EMC8: variants seen among roughly 807,000 people sequenced by gnomAD.
The protein encoded by EMC8 is ER membrane protein complex subunit 8.
EMC8 carries 11 observed loss-of-function variants against 24.3 expected under a neutral mutation model. That is an observed-to-expected ratio of 0.45 (90% confidence interval 0.28 to 0.75). EMC8 has a LOEUF of 0.75. Ranked by LOEUF, EMC8 falls within the 30% of genes least tolerant of loss-of-function variation. EMC8 has a pLI of 0.12. For synonymous variants in EMC8, 145 were observed against 117.7 expected, an observed-to-expected ratio of 1.23 and a Z score of -1.50; for missense variants, 277 against 282.7, an observed-to-expected ratio of 0.98 and a Z score of 0.14.
chr16:85,787,201 A>G (rs533001187), intron 2 of EMC8, among the ~76,000 whole-genome samples: 2 of 152,196 alleles, frequency 1.3e-5, no homozygotes, highest in African/African-American at 2.4e-5. Context: ...AGCCCTTGCC[A>G]CGTCCTCACC....
Position 85,799,329 on chromosome 16 carries a change from G to A in EMC8, c.-34C>T, listed in dbSNP as rs1350335741. On this transcript the variant is annotated 5_prime_UTR_variant, in exon 1 of 5. Coordinates refer to ENST00000253457, the MANE Select transcript of EMC8 (RefSeq NM_006067.5). The surrounding 1 kb of genome is among the most constrained non-coding windows in gnomAD (Gnocchi z 4.2). ...GGGAGGGCCCCGGAGGCCCCTGGGC[G>A]CGCGGCTGAGGCCTGGACCCGCTGC... 6.8e-7 allele frequency: 1 copy of A among 1,469,812 alleles called. No homozygotes were observed. The highest frequency in any genetic ancestry group is 9.3e-7 in the Non-Finnish European group (1 of 1,080,672). The allele number at this position is 1,469,812 out of a possible 1,614,324, so 91.0% of individuals were successfully genotyped here.
intron 1 of EMC8, among the ~76,000 whole-genome samples, chr16:85,790,227 T>C (rs1196308476): frequency 6.6e-6 from 1 of 152,142 alleles, no homozygotes; most frequent in Non-Finnish European, 1.5e-5. Flanking sequence ...ATTGCTCTTT[T>C]TCCTAAATTC....
intron 2 of EMC8, among the ~76,000 whole-genome samples, chr16:85,788,518 G>C (rs940255612): frequency 6.6e-6 from 1 of 152,224 alleles, no homozygotes; most frequent in Non-Finnish European, 1.5e-5. Flanking sequence ...CTGGATAAAG[G>C]AAAAGAAAGA....
At chr16:85,780,031 T>C (rs912939724) in intron 4 of EMC8, 164 bp from the exon 5 acceptor site, 21 of 629,452 alleles carry the variant, frequency 3.3e-5, no homozygotes, top group African/African-American at 1.5e-4. Context: ...ATACAGAGCA[T>C]AGAAGACATG....
chr16:85,779,125 T>A lies in EMC8; in HGVS notation c.*583A>T, dbSNP rs1471655002. The A allele has an allele frequency of 6.6e-6, 1 of 152,178 alleles. No homozygotes were observed. The highest frequency in any genetic ancestry group is 2.4e-5 in the African/African-American group (1 of 41,384). 9.4% of individuals were successfully genotyped at this position (152,178 alleles called of 1,614,324 possible). ...GTGGTGTCACTCCCGCTGGGCAGAG[T>A]TGCGGTGGCTCTGTGAGCCGACACC... On this transcript the variant is annotated 3_prime_UTR_variant, in exon 5 of 5. Transcript: ENST00000253457.
At chr16:85,798,987 C>G (rs1905432798) in intron 1 of EMC8, 78 bp downstream of exon 1, 1 of 1,082,268 alleles carries the variant, frequency 9.2e-7, no homozygotes, top group Non-Finnish European at 1.3e-6. Context: ...GGAGGGCGAC[C>G]GCTGGGCCAG....
intron 2 of EMC8, among the ~76,000 whole-genome samples, chr16:85,786,872 C>T: frequency 6.6e-6 from 1 of 152,136 alleles, no homozygotes; most frequent in South Asian, 2.1e-4. Flanking sequence ...CAGAGAGGAG[C>T]ATAGGAGAGC....
chr16:85,793,669 C>A (rs1284650078), intron 1 of EMC8, among the ~76,000 whole-genome samples: 4 of 152,170 alleles, frequency 2.6e-5, no homozygotes, highest in African/African-American at 9.7e-5. Flanking sequence ...AGAATTCTAG[C>A]CTGAAATCAT....
At chr16:85,782,758 C>G (rs1203273486) in intron 2 of EMC8, among the ~76,000 whole-genome samples, 1 of 152,170 alleles carries the variant, frequency 6.6e-6, no homozygotes, top group African/African-American at 2.4e-5. Context: ...GCTACCCCCT[C>G]AAAAGCCTCC....
chr16:85,795,339 AC>A lies in EMC8; in HGVS notation c.231+3725del, dbSNP rs369776889. On this transcript the variant is annotated intron_variant, in intron 1 of 4. Coordinates refer to ENST00000253457, the MANE Select transcript of EMC8 (RefSeq NM_006067.5). Reference sequence around the variant, plus strand: ...TGCTCTGTGACTCCTCCTCCACTCAACCCATAAAAGCCAGAGTGCCCCAAGC... The same window carrying A: ...TGCTCTGTGACTCCTCCTCCACTCAACCATAAAAGCCAGAGTGCCCCAAGC... 3.1e-3 allele frequency among the ~76,000 whole-genome samples: 464 copies of A among 152,066 alleles called. 1 individual carries two copies. Among genetic ancestry groups the A allele is most frequent in the African/African-American group, 0.01 (422 of 41,466 alleles).
At chr16:85,780,236 G>C (rs1386969681) in intron 4 of EMC8, 143 bp downstream of exon 4, 1 of 664,752 alleles carries the variant, frequency 1.5e-6, no homozygotes, top group African/African-American at 1.8e-5. Context: ...TGGAACACTG[G>C]GGCCTACAGG....
In EMC8 at chr16:85,798,114, GTTTTTTTTTTTTT is replaced by G. The variant is rs1163747067; in HGVS notation, c.231+938_231+950del. On this transcript the variant is annotated intron_variant, in intron 1 of 4. Transcript: ENST00000253457. ...CTGCTGTTTAATGTCACAGAAATTC[GTTTTTTTTTTTTT>G]TTTTTTTTTTTTGAGACGGAGTCTT... 4.6e-4 allele frequency among the ~76,000 whole-genome samples: 33 copies of G among 72,182 alleles called. 1 individual carries two copies. The highest frequency in any genetic ancestry group is 2.1e-3 in the East Asian group (5 of 2,370). 47.4% of individuals were successfully genotyped at this position (72,182 alleles called of 152,430 possible).
intron 2 of EMC8, among the ~76,000 whole-genome samples, chr16:85,783,546 C>G (rs967499801): frequency 2.0e-5 from 3 of 152,226 alleles, no homozygotes; most frequent in Non-Finnish European, 2.9e-5. Context: ...CTGGTGCTCA[C>G]AGCCCCACAG....
At position 85,778,937 on chromosome 16, in the gene EMC8, G is replaced by A. The variant is rs1171449886; in HGVS notation, c.*771C>T. The A allele has an allele frequency of 6.6e-6, 1 of 152,210 alleles. No individual in the cohort carries two copies. 9.4% of individuals were successfully genotyped at this position (152,210 alleles called of 1,614,324 possible). A position where few individuals can be genotyped will look rare whatever the true frequency, so the allele number is the denominator to read the frequency against. ...ACAGACGTCACTCTGCACAACTCGGGAAGTCTAAGTCTTGTTTTTCCTAAT... is the reference window on the plus strand; with the variant it reads ...ACAGACGTCACTCTGCACAACTCGGAAAGTCTAAGTCTTGTTTTTCCTAAT... On this transcript the variant is annotated 3_prime_UTR_variant, in exon 5 of 5. Coordinates refer to ENST00000253457, the MANE Select transcript of EMC8 (RefSeq NM_006067.5).
intron 2 of EMC8, among the ~76,000 whole-genome samples, chr16:85,783,601 G>A (rs921578528): frequency 1.3e-5 from 2 of 152,174 alleles, no homozygotes; most frequent in Non-Finnish European, 2.9e-5. Flanking sequence ...GCTATTCTCA[G>A]GCTGGCAGAG....
chr16:85,799,026 A>T lies in EMC8; in HGVS notation c.231+39T>A. On this transcript the variant is annotated intron_variant, in intron 1 of 4. Coordinates refer to ENST00000253457, the MANE Select transcript of EMC8 (RefSeq NM_006067.5). The surrounding 1 kb of genome is among the most constrained non-coding windows in gnomAD (Gnocchi z 4.2). ...CCTCTCTGCTGACTGAGGGGAGGCCAGGCTGCCTGCAAGGGGAAGGGGCCC... is the reference window on the plus strand; with the variant it reads ...CCTCTCTGCTGACTGAGGGGAGGCCTGGCTGCCTGCAAGGGGAAGGGGCCC... 1.4e-6 allele frequency: 2 copies of T among 1,390,734 alleles called. No homozygotes were observed. Among genetic ancestry groups the T allele is most frequent in the Non-Finnish European group, 2.0e-6 (2 of 1,014,592 alleles). 86.1% of individuals were successfully genotyped at this position (1,390,734 alleles called of 1,614,324 possible).
chr16:85,782,286 C>G (rs1904542890), intron 2 of EMC8, among the ~76,000 whole-genome samples: 1 of 152,210 alleles, frequency 6.6e-6, no homozygotes. Flanking sequence ...CACATCTTCT[C>G]CACGCTCATG....
At chr16:85,781,150 A>G in intron 3 of EMC8, 61 bp downstream of exon 3, 5 of 1,207,506 alleles carry the variant, frequency 4.1e-6, no homozygotes, top group Non-Finnish European at 2.5e-6. Context: ...CCGCAGAGCA[A>G]GCTCCAGGTT....
Position 85,799,408 on chromosome 16 carries a change from G to C in EMC8, c.-113C>G. Reference sequence around the variant, plus strand: ...CGGGACGAGGCGGCGGCGATTGATGGCGCGGCCGCGGGCTGGCGGGGGACC... The same window carrying C: ...CGGGACGAGGCGGCGGCGATTGATGCCGCGGCCGCGGGCTGGCGGGGGACC... On this transcript the variant is annotated 5_prime_UTR_variant, in exon 1 of 5. Transcript: ENST00000253457. This position sits in a 1 kb window ranked among gnomAD's most constrained non-coding sequence, Gnocchi z 4.2. The C allele has an allele frequency of 1.7e-6, 1 of 603,222 alleles. No individual in the cohort carries two copies. The highest frequency in any genetic ancestry group is 2.0e-5 in the African/African-American group (1 of 50,962). The allele number at this position is 603,222 out of a possible 1,614,324, so 37.4% of individuals were successfully genotyped here. A position where few individuals can be genotyped will look rare whatever the true frequency, so the allele number is the denominator to read the frequency against.
Sources: gnomAD v4.1 joint callset for allele counts (sites outside exome capture counted in the v4.1 genomes callset) on GRCh38, gnomAD v4.1.1 for gene constraint, Gnocchi (gnomAD v3.1) non-coding constraint, MANE v1.5 for transcripts, NCBI Gene and HGNC (gene_info 2026-07-23, HGNC 2026-07-21) for gene names.